Variants in NREP observed in about 807,000 individuals in gnomAD.
The protein encoded by NREP is neuronal regeneration related protein.
A neutral mutation model predicts 8.6 loss-of-function variants in NREP; 5 were observed. The ratio of observed to expected loss-of-function variants is 0.58; its 90% CI spans 0.30 to 1.22. NREP has a LOEUF of 1.22. Among genes scored for constraint, NREP ranks in the 50% most tolerant of loss-of-function variants. The pLI, the probability that NREP is intolerant of heterozygous loss-of-function variation, is 0.07. For missense variants in NREP, 86 were observed against 82.5 expected, an observed-to-expected ratio of 1.04 and a Z score of -0.17; for synonymous variants, 27 against 28.0, an observed-to-expected ratio of 0.96 and a Z score of 0.11.
chr5:111,903,452 T>C (rs1476123539), intron 2 of NREP, among the ~76,000 whole-genome samples: 1 of 152,234 alleles, frequency 6.6e-6, no homozygotes, highest in East Asian at 1.9e-4. Context: ...CCGTTGGTAA[T>C]TATAAAGTTT....
chr5:111,756,325 G>GA lies in NREP; in HGVS notation c.-58-496_-58-495insT, dbSNP rs972205951. On this transcript the variant is annotated intron_variant, in intron 1 of 3. Coordinates refer to ENST00000257435, the MANE Select transcript of NREP (RefSeq NM_004772.4). ...AAAAAAAAAAAAACCCTACACGGCG[G>GA]GGGGGGTGGGGGGAGTCAGGAATAT... The GA allele has an allele frequency of 5.5e-6, 4 of 721,304 alleles. 1 individual carries two copies. The highest frequency in any genetic ancestry group is 6.4e-5 in the Admixed American group (1 of 15,558). 44.7% of individuals were successfully genotyped at this position (721,304 alleles called of 1,614,324 possible). A position where few individuals can be genotyped will look rare whatever the true frequency, so the allele number is the denominator to read the frequency against.
At chr5:111,842,185 A>T (rs534773872) in intron 2 of NREP, among the ~76,000 whole-genome samples, 4 of 152,286 alleles carry the variant, frequency 2.6e-5, no homozygotes, top group African/African-American at 9.6e-5. Flanking sequence ...GGCTGGAAAA[A>T]GTCTGTGATA....
At chr5:111,750,623 G>A (rs775583306) in intron 2 of NREP, among the ~76,000 whole-genome samples, 2 of 152,036 alleles carry the variant, frequency 1.3e-5, no homozygotes, top group African/African-American at 4.8e-5. Flanking sequence ...AACATCACTC[G>A]TACCATTTAG....
chr5:111,755,620 C>T (rs1561650921), intron 2 of NREP, 150 bp downstream of exon 2: 8 of 830,974 alleles, frequency 9.6e-6, no homozygotes, highest in Middle Eastern at 4.5e-4. Flanking sequence ...TGTACTGCAA[C>T]GCTCCCAGGA....
At chr5:111,950,930 T>C (rs1756141577) in intron 2 of NREP, among the ~76,000 whole-genome samples, 1 of 152,050 alleles carries the variant, frequency 6.6e-6, no homozygotes, top group Non-Finnish European at 1.5e-5. Flanking sequence ...AAATAAAACC[T>C]TCAAAGTGCA....
chr5:111,964,280 G>C (rs1756564975), intron 2 of NREP, among the ~76,000 whole-genome samples: 3 of 152,112 alleles, frequency 2.0e-5, no homozygotes, highest in Admixed American at 6.5e-5. Context: ...GATGTATAGA[G>C]CTATAATTTG....
intron 2 of NREP, among the ~76,000 whole-genome samples, chr5:111,937,096 C>G (rs1165736985): frequency 6.6e-6 from 1 of 152,102 alleles, no homozygotes. Context: ...GAGAACAGCA[C>G]CTTTCACCTT....
intron 2 of NREP, among the ~76,000 whole-genome samples, chr5:111,792,013 C>T (rs142416563): frequency 6.6e-6 from 1 of 152,280 alleles, no homozygotes; most frequent in East Asian, 1.9e-4. Context: ...AAAGGAAACA[C>T]TATATAGTTA....
intron 2 of NREP, among the ~76,000 whole-genome samples, chr5:111,836,055 T>C (rs991609789): frequency 8.5e-5 from 13 of 152,118 alleles, no homozygotes; most frequent in African/African-American, 3.1e-4. Flanking sequence ...ATTCATATGC[T>C]TAACTCAGTC....
chr5:111,872,654 G>C (rs923631639), intron 2 of NREP, among the ~76,000 whole-genome samples: 1 of 152,066 alleles, frequency 6.6e-6, no homozygotes, highest in Non-Finnish European at 1.5e-5. Flanking sequence ...ACAAGGTATG[G>C]TTAGAACACC....
At chr5:111,798,714 A>G (rs1306775086) in intron 2 of NREP, among the ~76,000 whole-genome samples, 1 of 148,180 alleles carries the variant, frequency 6.7e-6, no homozygotes, top group Non-Finnish European at 1.5e-5. Flanking sequence ...GTTCCTTTTT[A>G]TGGCTGAGTA....
At chr5:111,935,057 C>T (rs1301586966) in intron 2 of NREP, among the ~76,000 whole-genome samples, 1 of 152,014 alleles carries the variant, frequency 6.6e-6, no homozygotes, top group Non-Finnish European at 1.5e-5. Flanking sequence ...GGATTAAAAG[C>T]TTTTAGTAAC....
intron 2 of NREP, among the ~76,000 whole-genome samples, chr5:111,915,200 T>A (rs1370960178): frequency 6.6e-6 from 1 of 152,054 alleles, no homozygotes. Context: ...CCAGGGTGGT[T>A]TTAAAACAAT....
intron 2 of NREP, among the ~76,000 whole-genome samples, chr5:111,960,250 T>C (rs1756443054): frequency 1.3e-5 from 2 of 152,296 alleles, no homozygotes; most frequent in South Asian, 2.1e-4. Flanking sequence ...AATCTCACTA[T>C]ATTCAACATC....
At chr5:111,963,001 T>C (rs756353001) in intron 2 of NREP, among the ~76,000 whole-genome samples, 9 of 152,254 alleles carry the variant, frequency 5.9e-5, no homozygotes, top group Non-Finnish European at 1.0e-4. Context: ...GGACCCAACA[T>C]GTGTGGATAC....
chr5:111,817,697 C>T (rs964853169), intron 2 of NREP, among the ~76,000 whole-genome samples: 4 of 146,334 alleles, frequency 2.7e-5, no homozygotes, highest in South Asian at 4.4e-4. Flanking sequence ...CCCAGCTACT[C>T]GGGAGGCTGA....
intron 2 of NREP, among the ~76,000 whole-genome samples, chr5:111,891,988 A>G (rs962867613): frequency 6.6e-6 from 1 of 152,242 alleles, no homozygotes; most frequent in African/African-American, 2.4e-5. Flanking sequence ...AACTTAGCAG[A>G]ATGTAGAAGT....
chr5:111,821,790 T>C (rs1489951682), intron 2 of NREP, among the ~76,000 whole-genome samples: 1 of 152,174 alleles, frequency 6.6e-6, no homozygotes, highest in East Asian at 1.9e-4. Flanking sequence ...GCTCCTTATT[T>C]AGCTCTCTCT....
chr5:111,884,593 G>A (rs1476393997), intron 2 of NREP, among the ~76,000 whole-genome samples: 11 of 146,318 alleles, frequency 7.5e-5, no homozygotes, highest in Non-Finnish European at 1.4e-4. Flanking sequence ...CTGGCAAACC[G>A]AATCCAGCAG....
Sources: gnomAD v4.1 joint callset for allele counts (sites outside exome capture counted in the v4.1 genomes callset) on GRCh38, gnomAD v4.1.1 for gene constraint, MANE v1.5 for transcripts, NCBI Gene and HGNC (gene_info 2026-07-23, HGNC 2026-07-21) for gene names.